Variants in SPATA13 observed in about 807,000 individuals in gnomAD.
The protein encoded by SPATA13 is spermatogenesis-associated protein 13.
Under a neutral mutation model 104.0 loss-of-function variants are expected in SPATA13, and 50 were observed. The observed-to-expected ratio is 0.48, with a 90% CI of 0.38 to 0.61. SPATA13 has a LOEUF of 0.61. SPATA13 is among the 20% of genes least tolerant of loss of function. SPATA13 has a pLI of 0.00. For missense variants in SPATA13, 1,524 were observed against 1,690.6 expected, an observed-to-expected ratio of 0.90 and a Z score of 1.73; for synonymous variants, 606 against 667.5, an observed-to-expected ratio of 0.91 and a Z score of 1.42.
chr13:24,133,322 G>A (rs1427896805), intron 3 of SPATA13, among the ~76,000 whole-genome samples: 2 of 152,202 alleles, frequency 1.3e-5, no homozygotes, highest in Non-Finnish European at 2.9e-5. Flanking sequence ...GATTGTGTAA[G>A]CCCAGTTGGA....
Position 24,103,504 on chromosome 13 carries a change from A to AAAAAAGAG in SPATA13, c.-112+85804_-112+85805insAAAAGAGA, listed in dbSNP as rs1458068316. On this transcript the variant is annotated intron_variant, in intron 3 of 14. Transcript: ENST00000424834. ...TGTCTCAAAAAAAAAAAAAAAAAAC[A>AAAAAAGAG]AGAAAGAAAAGAGCAGGGGAGGAGA... 9.6e-4 allele frequency among the ~76,000 whole-genome samples: 111 copies of AAAAAAGAG among 115,600 alleles called. 1 individual carries two copies. The East Asian group carries it at 0.015, about 16-fold the overall frequency. The allele number at this position is 115,600 out of a possible 152,430, so 75.8% of individuals were successfully genotyped here.
chr13:24,278,929 TTTCC>T (rs367952929), intron 4 of SPATA13: 95,365 of 731,638 alleles, frequency 0.13, 10,670 homozygotes, highest in African/African-American at 0.29. Context: ...TCCTTCCCTC[TTTCC>T]TTCCTTCCTT....
At chr13:24,281,357 A>G (rs956864870) in intron 4 of SPATA13, among the ~76,000 whole-genome samples, 13 of 152,112 alleles carry the variant, frequency 8.5e-5, no homozygotes, top group African/African-American at 2.9e-4. Flanking sequence ...AGGGGAGTGG[A>G]GGTGGGTAGA....
intron 1 of SPATA13, among the ~76,000 whole-genome samples, chr13:24,200,849 C>G (rs984627867): frequency 1.3e-5 from 2 of 151,776 alleles, no homozygotes; most frequent in African/African-American, 4.8e-5. Context: ...CCACTCACTC[C>G]CACAATGAAA....
chr13:24,238,436 C>T (rs1267006711), intron 2 of SPATA13, among the ~76,000 whole-genome samples: 2 of 152,108 alleles, frequency 1.3e-5, no homozygotes, highest in Admixed American at 1.3e-4. Context: ...GGATTACAGG[C>T]GTGAGCCACT....
intron 3 of SPATA13, among the ~76,000 whole-genome samples, chr13:24,087,957 A>G (rs2137787060): frequency 6.6e-6 from 1 of 152,294 alleles, no homozygotes; most frequent in African/African-American, 2.4e-5. Context: ...CAGCTCTTCC[A>G]GCTTTGGGCC....
intron 12 of SPATA13, 108 bp downstream of exon 12, chr13:24,300,583 A>T: frequency 1.0e-6 from 1 of 999,718 alleles, no homozygotes; most frequent in Non-Finnish European, 1.6e-6. Context: ...CAAGGAGAAC[A>T]GTAGAAGTTA....
At chr13:24,158,189 T>A (rs1471864716), upstream of SPATA13, among the ~76,000 whole-genome samples, 1 of 151,902 alleles carries the variant, frequency 6.6e-6, no homozygotes, top group Non-Finnish European at 1.5e-5. Context: ...CCAGTTAGAG[T>A]CTTGAGTACC....
intron 3 of SPATA13, among the ~76,000 whole-genome samples, chr13:24,086,564 G>C (rs1253682866): frequency 6.6e-6 from 1 of 152,208 alleles, no homozygotes; most frequent in Non-Finnish European, 1.5e-5. Flanking sequence ...TAGCCTTGGG[G>C]ACTGGCGAGA....
At position 24,284,247 on chromosome 13, in the gene SPATA13, C is replaced by T. The variant is rs1027158172; in HGVS notation, c.2277C>T (p.Gly759=). The T allele has an allele frequency of 1.3e-5, 21 of 1,613,366 alleles. No homozygotes were observed. Among genetic ancestry groups the T allele is most frequent in the Admixed American group, 3.3e-5 (2 of 59,956 alleles). Residue 759 remains glycine (G), a synonymous_variant, in exon 5 of 13, where the codon GGC becomes GGT. Coordinates refer to ENST00000382108, the MANE Select transcript of SPATA13 (RefSeq NM_001166271.3). ...CCAGCCCTCGGTACCTGCAGCCCGG[C>T]GGGGAGCAGCTGGCCATCAATGAGG... ...CQASPRYLQP[G]GEQLAINELI... is the part of the protein sequence containing the mutation.
chr13:24,123,415 G>A (rs1205542968), intron 3 of SPATA13: 4 of 1,316,826 alleles, frequency 3.0e-6, no homozygotes, highest in Non-Finnish European at 4.4e-6. Context: ...AAGAGGGGGA[G>A]TACATGATTC....
intron 2 of SPATA13, 119 bp downstream of exon 2, chr13:24,224,701 C>T: frequency 8.5e-6 from 9 of 1,055,166 alleles, no homozygotes; most frequent in Non-Finnish European, 1.3e-5. Context: ...GACCTTGTTG[C>T]CCTTACAGTA....
chr13:24,128,013 A>C (rs1881274800), intron 3 of SPATA13, among the ~76,000 whole-genome samples: 1 of 152,256 alleles, frequency 6.6e-6, no homozygotes, highest in Non-Finnish European at 1.5e-5. Context: ...CATGTGCCAC[A>C]CAATGATCTT....
intron 1 of SPATA13, among the ~76,000 whole-genome samples, chr13:24,178,828 G>A (rs1006424820): frequency 6.6e-6 from 1 of 152,122 alleles, no homozygotes; most frequent in Non-Finnish European, 1.5e-5. Context: ...TAATTCAGTT[G>A]TTTTTAGTGT....
At chr13:24,180,924 T>A (rs1339942508) in intron 1 of SPATA13, among the ~76,000 whole-genome samples, 1 of 152,216 alleles carries the variant, frequency 6.6e-6, no homozygotes. Context: ...CAAAGCTAGA[T>A]GGTACAGCCT....
At chr13:24,280,777 GA>G (rs1235205272) in intron 4 of SPATA13, among the ~76,000 whole-genome samples, 8 of 151,984 alleles carry the variant, frequency 5.3e-5, no homozygotes, top group African/African-American at 1.9e-4. Flanking sequence ...ACTCATGCAT[GA>G]AAAAAATGAT....
intron 3 of SPATA13, among the ~76,000 whole-genome samples, chr13:24,054,914 G>C (rs1878485600): frequency 6.6e-6 from 1 of 152,118 alleles, no homozygotes. Flanking sequence ...ATATGTCCCA[G>C]CATTTAAACA....
intron 4 of SPATA13, among the ~76,000 whole-genome samples, chr13:24,279,647 A>G (rs971722034): frequency 1.3e-5 from 2 of 152,218 alleles, no homozygotes; most frequent in Non-Finnish European, 2.9e-5. Flanking sequence ...GTGGGATGTG[A>G]GAGGTGGAAG....
At chr13:24,033,692 G>A (rs1046773083) in intron 3 of SPATA13, 2 of 152,254 alleles carry the variant, frequency 1.3e-5, no homozygotes, top group Admixed American at 6.5e-5. Context: ...TAAGCACAGC[G>A]AAGTAGGGGG....
Sources: gnomAD v4.1 joint callset for allele counts (sites outside exome capture counted in the v4.1 genomes callset) on GRCh38, gnomAD v4.1.1 for gene constraint, MANE v1.5 for transcripts, NCBI Gene and HGNC (gene_info 2026-07-23, HGNC 2026-07-21) for gene names.